Variants in FRY observed in about 807,000 individuals in gnomAD.
FRY encodes the protein protein furry homolog.
Under a neutral mutation model 348.4 loss-of-function variants are expected in FRY, and 128 were observed. The ratio of observed to expected loss-of-function variants is 0.37; its 90% CI spans 0.32 to 0.43. The LOEUF (loss-of-function observed/expected upper bound fraction) is 0.43. FRY is among the 20% of genes least tolerant of loss of function. The pLI is 1.00. For synonymous variants in FRY, 1,370 were observed against 1,374.7 expected (o/e 1.00, Z 0.08); for missense variants, 2,736 against 3,695.2 (o/e 0.74, Z 6.73).
intron 28 of FRY, among the ~76,000 whole-genome samples, chr13:32,189,101 A>G (rs1391830073): frequency 6.6e-6 from 1 of 152,064 alleles, no homozygotes; most frequent in East Asian, 1.9e-4. Flanking sequence ...GTAAACTGCT[A>G]ATTTCTTTGG....
At chr13:32,089,618 C>CA (rs940211951) in intron 2 of FRY, among the ~76,000 whole-genome samples, 8 of 151,946 alleles carry the variant, frequency 5.3e-5, no homozygotes, top group African/African-American at 1.2e-4. Context: ...AAAATAAAAA[C>CA]AAAAAAATTA....
intron 17 of FRY, among the ~76,000 whole-genome samples, chr13:32,164,588 G>T: frequency 6.6e-6 from 1 of 152,148 alleles, no homozygotes; most frequent in East Asian, 1.9e-4. Flanking sequence ...CTAGATTTTT[G>T]ACTTTACATG....
chr13:32,165,841 A>T (rs760684794), intron 17 of FRY, among the ~76,000 whole-genome samples: 1 of 152,220 alleles, frequency 6.6e-6, no homozygotes, highest in Admixed American at 6.5e-5. Flanking sequence ...TTCTGATCTG[A>T]CCAACAAAGA....
At chr13:32,149,678 A>G (rs1250734344) in intron 13 of FRY, 70 bp from the exon 14 acceptor site, 2 of 898,600 alleles carry the variant, frequency 2.2e-6, no homozygotes, top group African/African-American at 3.3e-5. Context: ...GTGCATATTG[A>G]TGAAAATAGC....
At chr13:32,285,861 A>G (rs1024445999) in intron 58 of FRY, among the ~76,000 whole-genome samples, 7 of 152,208 alleles carry the variant, frequency 4.6e-5, no homozygotes, top group African/African-American at 1.4e-4. Flanking sequence ...ATGACATTGT[A>G]TTTCAGAACA....
At chr13:32,167,711 T>C (rs1412944110) in intron 17 of FRY, among the ~76,000 whole-genome samples, 1 of 152,268 alleles carries the variant, frequency 6.6e-6, no homozygotes, top group Non-Finnish European at 1.5e-5. Flanking sequence ...GTTACTAAAC[T>C]ATTACCTGTC....
chr13:32,190,707 T>C (rs763952505), intron 28 of FRY, among the ~76,000 whole-genome samples: 100 of 152,258 alleles, frequency 6.6e-4, no homozygotes, highest in Non-Finnish European at 1.1e-3. Flanking sequence ...GAATATACCA[T>C]GCTATTGAAT....
intron 46 of FRY, 134 bp downstream of exon 46, chr13:32,240,015 C>T (rs948633689): frequency 1.4e-6 from 1 of 695,860 alleles, no homozygotes; most frequent in African/African-American, 1.8e-5. Flanking sequence ...GCCACCATTC[C>T]CTGCCAGAGG....
intron 3 of FRY, among the ~76,000 whole-genome samples, chr13:32,109,298 T>C (rs1461502261): frequency 6.6e-6 from 1 of 152,042 alleles, no homozygotes; most frequent in Non-Finnish European, 1.5e-5. Flanking sequence ...GTCACAAAAA[T>C]GAATAAGACA....
chr13:32,287,544 C>G (rs1182425674), intron 58 of FRY, among the ~76,000 whole-genome samples: 2 of 152,186 alleles, frequency 1.3e-5, no homozygotes, highest in African/African-American at 4.8e-5. Flanking sequence ...CACTTATACG[C>G]TAAAATCTTC....
At chr13:32,103,319 A>G (rs1239503011) in intron 3 of FRY, among the ~76,000 whole-genome samples, 2 of 152,260 alleles carry the variant, frequency 1.3e-5, no homozygotes, top group African/African-American at 4.8e-5. Context: ...TGAATACGGT[A>G]TATGATGTTT....
intron 35 of FRY, among the ~76,000 whole-genome samples, chr13:32,215,748 C>G (rs1734752939): frequency 6.6e-6 from 1 of 151,968 alleles, no homozygotes; most frequent in Admixed American, 6.6e-5. Context: ...TTTTTTATTT[C>G]TTGTAGAGAC....
intron 58 of FRY, chr13:32,287,925 T>G: frequency 8.7e-7 from 1 of 1,143,658 alleles, no homozygotes; most frequent in Non-Finnish European, 1.2e-6. Context: ...CATTTAGGCA[T>G]GGACCCATAA....
intron 59 of FRY, among the ~76,000 whole-genome samples, chr13:32,291,400 CTTTTTTT>C (rs758125136): frequency 7.0e-6 from 1 of 142,206 alleles, no homozygotes; most frequent in African/African-American, 2.6e-5. Context: ...TTTTCTTTTT[CTTTTTTT>C]TTTTTTTCTT....
intron 1 of FRY, among the ~76,000 whole-genome samples, chr13:32,073,567 G>GTA (rs1485278301): frequency 6.6e-6 from 1 of 152,034 alleles, no homozygotes; most frequent in Non-Finnish European, 1.5e-5. Context: ...GTGTGTGTGT[G>GTA]TATGCACATG....
chr13:32,055,519 C>A (rs1566046820), intron 1 of FRY, among the ~76,000 whole-genome samples: 1 of 152,164 alleles, frequency 6.6e-6, no homozygotes, highest in Non-Finnish European at 1.5e-5. Flanking sequence ...CTAGCCTTGC[C>A]AGGGATTCAA....
At chr13:32,043,487 G>C (rs1872855034) in intron 1 of FRY, among the ~76,000 whole-genome samples, 1 of 152,168 alleles carries the variant, frequency 6.6e-6, no homozygotes, top group African/African-American at 2.4e-5. Context: ...CCATGACACT[G>C]TTTTACACAT....
intron 14 of FRY, among the ~76,000 whole-genome samples, chr13:32,150,518 T>C (rs1469705148): frequency 1.3e-5 from 2 of 152,202 alleles, no homozygotes; most frequent in Non-Finnish European, 2.9e-5. Flanking sequence ...CTGCTGCTTT[T>C]CCTAGCTGTG....
intron 20 of FRY, among the ~76,000 whole-genome samples, chr13:32,177,282 T>C (rs529256770): frequency 1.3e-5 from 2 of 152,318 alleles, no homozygotes; most frequent in South Asian, 2.1e-4. Flanking sequence ...CTTGCTATCA[T>C]AGGGCAAGAA....
Sources: gnomAD v4.1 joint callset for allele counts (sites outside exome capture counted in the v4.1 genomes callset) on GRCh38, gnomAD v4.1.1 for gene constraint, MANE v1.5 for transcripts, NCBI Gene and HGNC (gene_info 2026-07-23, HGNC 2026-07-21) for gene names.